ATP7B: variants seen among roughly 807,000 people sequenced by gnomAD.
ATP7B encodes the protein ATPase copper transporting beta, also known as copper-transporting ATPase 2.
ATP7B carries 113 observed loss-of-function variants against 118.9 expected under a neutral mutation model. The observed-to-expected ratio is 0.95, with a 90% CI of 0.82 to 1.11. ATP7B has a LOEUF of 1.11. Among genes scored for constraint, ATP7B ranks in the 50% most tolerant of loss-of-function variants. The pLI, the probability that ATP7B is intolerant of heterozygous loss-of-function variation, is 0.00. For missense variants in ATP7B, 1,867 were observed against 1,871.4 expected, an observed-to-expected ratio of 1.00 and a Z score of 0.04; for synonymous variants, 777 against 727.4, an observed-to-expected ratio of 1.07 and a Z score of -1.10.
chr13:51,936,264 G>C (rs1956954475), intron 19 of ATP7B, among the ~76,000 whole-genome samples: 1 of 152,178 alleles, frequency 6.6e-6, no homozygotes, highest in South Asian at 2.1e-4. Flanking sequence ...CTGGGGACAA[G>C]AAGTAAACCT....
intron 1 of ATP7B, among the ~76,000 whole-genome samples, chr13:52,004,788 G>C (rs1475003265): frequency 6.6e-6 from 1 of 152,154 alleles, no homozygotes; most frequent in Non-Finnish European, 1.5e-5. Context: ...TACTGCCCTA[G>C]TGGGGGCACT....
At chr13:51,973,851 C>A in intron 2 of ATP7B, 84 bp downstream of exon 2, 1 of 1,588,908 alleles carries the variant, frequency 6.3e-7, no homozygotes, top group Non-Finnish European at 8.6e-7. Context: ...GGGAGCAGGG[C>A]TCACCTATAC....
chr13:51,992,095 A>G (rs1952944814), intron 1 of ATP7B, among the ~76,000 whole-genome samples: 1 of 151,972 alleles, frequency 6.6e-6, no homozygotes, highest in Non-Finnish European at 1.5e-5. Context: ...TTCATTCTAC[A>G]TTGTACAGAA....
intron 7 of ATP7B, chr13:51,958,811 T>G: frequency 2.0e-6 from 1 of 512,778 alleles, no homozygotes; most frequent in East Asian, 3.6e-5. Context: ...TGGTGAAAAG[T>G]TGGGGAAAAA....
intron 5 of ATP7B, among the ~76,000 whole-genome samples, chr13:51,962,441 C>T (rs912936529): frequency 4.6e-5 from 7 of 152,192 alleles, no homozygotes; most frequent in Admixed American, 2.6e-4. Flanking sequence ...TTAACTCAAG[C>T]GCTTTGTTAC....
rs773797122 is a variant in ATP7B, at chr13:51,934,789, G to A, written c.4365C>T (p.Leu1455=). ...ADDDGDKWSL[L]LNGRDEEQYI Reference sequence around the variant, plus strand: ...ACTGCTCCTCATCCCTGCCATTCAGGAGCAGAGACCACTTGTCCCCATCAT... The same window carrying A: ...ACTGCTCCTCATCCCTGCCATTCAGAAGCAGAGACCACTTGTCCCCATCAT... The change falls in exon 21 of 21, where the codon CTC becomes CTT. Residue 1455 remains leucine (L), a synonymous_variant. Coordinates refer to ENST00000242839, the MANE Select transcript of ATP7B (RefSeq NM_000053.4). 1 of 1,614,044 alleles carries A rather than the reference G, an allele frequency of 6.2e-7. No individual in the cohort carries two copies.
At chr13:51,984,719 C>T (rs1952572055) in intron 1 of ATP7B, among the ~76,000 whole-genome samples, 3 of 152,204 alleles carry the variant, frequency 2.0e-5, no homozygotes, top group Admixed American at 2.0e-4. Flanking sequence ...GCAGATCTCT[C>T]TGCAGAAACC....
upstream of ATP7B, chr13:52,011,513 C>A (rs1954037283): frequency 2.7e-6 from 2 of 746,208 alleles, no homozygotes; most frequent in African/African-American, 3.4e-5. Flanking sequence ...TCATTTGGGA[C>A]CGGGGAAGCC....
chr13:51,961,489 C>A (rs572120856), intron 6 of ATP7B, among the ~76,000 whole-genome samples: 57 of 152,306 alleles, frequency 3.7e-4, no homozygotes, highest in Admixed American at 7.2e-4. Flanking sequence ...CACTCTCTCC[C>A]TCCCTCCCAA....
intron 1 of ATP7B, among the ~76,000 whole-genome samples, chr13:51,986,543 G>A (rs370235797): frequency 2.0e-5 from 3 of 152,088 alleles, no homozygotes; most frequent in South Asian, 2.1e-4. Flanking sequence ...GAAAAAGAGG[G>A]ACTCCTCCCT....
intron 15 of ATP7B, among the ~76,000 whole-genome samples, chr13:51,941,499 T>C (rs1957331724): frequency 6.6e-6 from 1 of 152,206 alleles, no homozygotes; most frequent in Non-Finnish European, 1.5e-5. Context: ...ATGTCCGTCT[T>C]TGTCTTAGAA....
At chr13:51,992,131 TAA>T (rs532259736) in intron 1 of ATP7B, among the ~76,000 whole-genome samples, 44 of 125,324 alleles carry the variant, frequency 3.5e-4, no homozygotes, top group Admixed American at 4.0e-4. Flanking sequence ...GTAAGAAATG[TAA>T]AAAAAAAAAA....
intron 1 of ATP7B, among the ~76,000 whole-genome samples, chr13:51,982,292 A>G (rs934926444): frequency 6.6e-6 from 1 of 152,164 alleles, no homozygotes; most frequent in Non-Finnish European, 1.5e-5. Context: ...TGTCTTTCCT[A>G]CTTCTGAATT....
At chr13:52,008,411 G>A (rs1953877055) in intron 1 of ATP7B, among the ~76,000 whole-genome samples, 1 of 152,142 alleles carries the variant, frequency 6.6e-6, no homozygotes, top group African/African-American at 2.4e-5. Context: ...ATTGTCCACT[G>A]GTGATTGGCA....
intron 1 of ATP7B, among the ~76,000 whole-genome samples, chr13:51,981,068 T>C (rs554064672): frequency 1.3e-5 from 2 of 152,182 alleles, no homozygotes; most frequent in African/African-American, 2.4e-5. Flanking sequence ...GAAGGAGATA[T>C]TATCACCATT....
intron 7 of ATP7B, chr13:51,958,991 T>C (rs915199038): frequency 4.6e-6 from 1 of 216,204 alleles, no homozygotes. Flanking sequence ...AAAAAGTCTG[T>C]ATCTGTATTA....
chr13:51,987,930 C>T (rs951925845), intron 1 of ATP7B, among the ~76,000 whole-genome samples: 17 of 152,040 alleles, frequency 1.1e-4, no homozygotes, highest in East Asian at 1.9e-4. Flanking sequence ...AAAACTTAAA[C>T]GTAAGACCTA....
chr13:51,993,230 T>C (rs564995531), intron 1 of ATP7B, among the ~76,000 whole-genome samples: 2 of 152,192 alleles, frequency 1.3e-5, no homozygotes, highest in Admixed American at 6.5e-5. Context: ...CGTAAATTTG[T>C]TTTTTATATA....
rs1297975396 is a variant in ATP7B at position 51,974,304 on chromosome 13, T to C, written c.916A>G (p.Thr306Ala). The C allele has an allele frequency of 6.2e-7, 1 of 1,614,014 alleles. No homozygotes were observed. Among genetic ancestry groups the C allele is most frequent in the Non-Finnish European group, 8.5e-7 (1 of 1,180,042 alleles). Residue 306 changes from threonine (T) to alanine (A), a missense_variant, in exon 2 of 21, where the codon ACC becomes GCC. Thr to Ala is a moderately conservative substitution (Grantham distance 58). Coordinates refer to ENST00000242839, the MANE Select transcript of ATP7B (RefSeq NM_000053.4). The stretch of plus-strand genomic sequence containing the variant: ...GCCCTCTGCAGAGCCACTGGGCTGG[T>C]ACAAGAAGGGTCATACTTTACTTGG... ...TAQVKYDPSC[T>A]SPVALQRAIE...
Sources: allele counts gnomAD v4.1 joint callset (sites outside exome capture counted in the v4.1 genomes callset), GRCh38; gene constraint gnomAD v4.1.1; transcripts MANE v1.5; gene names NCBI Gene and HGNC (gene_info 2026-07-23, HGNC 2026-07-21).